CLSTN2: variants seen among roughly 807,000 people sequenced by gnomAD.
The protein encoded by CLSTN2 is calsyntenin 2.
A neutral mutation model predicts 101.2 loss-of-function variants in CLSTN2; 48 were observed. That is an observed-to-expected ratio of 0.47 (90% CI 0.38 to 0.60). CLSTN2 has a LOEUF of 0.60. Among genes scored for constraint, CLSTN2 ranks in the 20% least tolerant of loss-of-function variants. The probability of loss-of-function intolerance (pLI) is 0.00; values close to 1 mark genes in which losing one functional copy is unlikely to be tolerated. For missense variants in CLSTN2, 1,160 were observed against 1,238.2 expected, an observed-to-expected ratio of 0.94 and a Z score of 0.95; for synonymous variants, 481 against 463.6, an observed-to-expected ratio of 1.04 and a Z score of -0.48.
At chr3:140,542,991 G>T (rs1935515376) in intron 9 of CLSTN2, among the ~76,000 whole-genome samples, 1 of 152,056 alleles carries the variant, frequency 6.6e-6, no homozygotes, top group African/African-American at 2.4e-5. Flanking sequence ...GTGGCTTTTG[G>T]TCACCTACTT....
At chr3:140,255,478 G>A (rs903802864) in intron 2 of CLSTN2, among the ~76,000 whole-genome samples, 1 of 152,012 alleles carries the variant, frequency 6.6e-6, no homozygotes, top group Admixed American at 6.6e-5. Flanking sequence ...CATAAAAAAC[G>A]ACAAATCATG....
chr3:140,543,737 G>A (rs1935532001), intron 9 of CLSTN2, among the ~76,000 whole-genome samples: 1 of 152,180 alleles, frequency 6.6e-6, no homozygotes, highest in South Asian at 2.1e-4. Context: ...AAGAGAGCAA[G>A]AATTTGTTCC....
At chr3:139,969,226 C>A (rs1042404847) in intron 1 of CLSTN2, among the ~76,000 whole-genome samples, 1 of 152,140 alleles carries the variant, frequency 6.6e-6, no homozygotes, top group Non-Finnish European at 1.5e-5. Context: ...GGGCTGCTAC[C>A]AAAAGTAAAG....
chr3:140,318,091 A>G (rs1258678779), intron 2 of CLSTN2, among the ~76,000 whole-genome samples: 1 of 152,222 alleles, frequency 6.6e-6, no homozygotes, highest in Admixed American at 6.5e-5. Context: ...CATGTCCAAA[A>G]TAGCTCACAT....
Position 140,509,939 on chromosome 3 carries a change from C to T in CLSTN2, c.1345-22385C>T, listed in dbSNP as rs545032209. 1.1e-4 allele frequency among the ~76,000 whole-genome samples: 17 copies of T among 152,284 alleles called. No individual in the cohort carries two copies. The South Asian group carries it at 3.1e-3, about 28-fold the overall frequency. On this transcript the variant is annotated intron_variant, in intron 8 of 16. Coordinates refer to ENST00000458420, the MANE Select transcript of CLSTN2 (RefSeq NM_022131.3). ...TGGGGTTGTTTTCCAATAAGCCCAT[C>T]GTAAGTTGAAAATACCATAAATTAA...
intron 1 of CLSTN2, among the ~76,000 whole-genome samples, chr3:140,049,014 C>G (rs2007937175): frequency 6.6e-6 from 1 of 152,214 alleles, no homozygotes; most frequent in Admixed American, 6.5e-5. Context: ...CACACCCCCT[C>G]CCCCCATCTC....
chr3:140,228,636 A>G (rs1352161355), intron 2 of CLSTN2, among the ~76,000 whole-genome samples: 1 of 152,216 alleles, frequency 6.6e-6, no homozygotes, highest in Non-Finnish European at 1.5e-5. Flanking sequence ...GATATACCAG[A>G]GACTGGGCAA....
chr3:140,041,881 G>A (rs946972911), intron 1 of CLSTN2, among the ~76,000 whole-genome samples: 11 of 152,166 alleles, frequency 7.2e-5, no homozygotes, highest in African/African-American at 2.7e-4. Context: ...ACAAACCTGT[G>A]TGAGGAGGGA....
chr3:140,288,134 G>A (rs1466339648), intron 2 of CLSTN2, among the ~76,000 whole-genome samples: 6 of 151,076 alleles, frequency 4.0e-5, no homozygotes, highest in Non-Finnish European at 8.9e-5. Context: ...AACCGGCGGG[G>A]GGGGTCAGAA....
chr3:140,427,896 C>G (rs541138103), intron 5 of CLSTN2, among the ~76,000 whole-genome samples: 3 of 152,064 alleles, frequency 2.0e-5, no homozygotes, highest in Non-Finnish European at 4.4e-5. Flanking sequence ...TTAGTGTTTC[C>G]CTCTTGTCAA....
At chr3:139,952,778 T>C (rs1441663884) in intron 1 of CLSTN2, among the ~76,000 whole-genome samples, 1 of 152,162 alleles carries the variant, frequency 6.6e-6, no homozygotes, top group Non-Finnish European at 1.5e-5. Context: ...ATACCCTAAA[T>C]GGATTATATT....
intron 1 of CLSTN2, among the ~76,000 whole-genome samples, chr3:139,986,302 G>A (rs1403684097): frequency 6.6e-6 from 1 of 152,062 alleles, no homozygotes; most frequent in Admixed American, 6.6e-5. Flanking sequence ...AATAATAACA[G>A]TTACCCTTTA....
intron 8 of CLSTN2, among the ~76,000 whole-genome samples, chr3:140,490,614 A>AT (rs1934336296): frequency 6.6e-6 from 1 of 151,748 alleles, no homozygotes; most frequent in Admixed American, 6.6e-5. Context: ...AAAAAAAAAA[A>AT]AACATGGCAC....
chr3:139,970,325 G>A (rs1163346426), intron 1 of CLSTN2, among the ~76,000 whole-genome samples: 1 of 152,024 alleles, frequency 6.6e-6, no homozygotes, highest in Non-Finnish European at 1.5e-5. Context: ...ATCTGGGGGG[G>A]GATGCTCTCC....
intron 8 of CLSTN2, among the ~76,000 whole-genome samples, chr3:140,498,195 G>A (rs7626363): frequency 0.051 from 7,742 of 152,266 alleles, 646 homozygotes; most frequent in African/African-American, 0.18. Context: ...TAACTATTGT[G>A]TCTTGTGTGA....
Position 140,207,224 on chromosome 3 carries a change from G to A in CLSTN2, c.232+31151G>A, listed in dbSNP as rs1376146533. On this transcript the variant is annotated intron_variant, in intron 2 of 16. Transcript: ENST00000458420. ...GCTTTGAGAGTAGGCCCATGAAGTC[G>A]TTCTGAGAATGTTTGTATGCTACAG... 7.9e-5 allele frequency among the ~76,000 whole-genome samples: 12 copies of A among 152,264 alleles called. No individual in the cohort carries two copies. In the East Asian group the frequency reaches 1.7e-3, roughly 22 times the overall value.
At chr3:140,261,504 A>G (rs1044873212) in intron 2 of CLSTN2, among the ~76,000 whole-genome samples, 33 of 151,938 alleles carry the variant, frequency 2.2e-4, no homozygotes, top group Admixed American at 1.1e-3. Context: ...TGTATTCCCT[A>G]CCCAAGTCTT....
intron 1 of CLSTN2, among the ~76,000 whole-genome samples, chr3:140,110,638 C>G (rs1036420163): frequency 2.0e-5 from 3 of 152,072 alleles, no homozygotes; most frequent in African/African-American, 4.8e-5. Context: ...TGGGATCATT[C>G]CTCATTATTT....
At position 140,403,557 on chromosome 3, in the gene CLSTN2, GT is replaced by G. The variant is rs2088267723; in HGVS notation, c.233-71del. On this transcript the variant is annotated intron_variant, in intron 2 of 16. Transcript: ENST00000458420. ...TGGAGGCTTTGAGTTTGTGAATCTG[GT>G]CCAATGGAAGCACTGTCTTCAGTCT... The G allele has an allele frequency of 3.1e-6, 4 of 1,291,640 alleles. No individual in the cohort carries two copies. In the Admixed American group the frequency reaches 6.0e-5, roughly 19 times the overall value. 80.0% of individuals were successfully genotyped at this position (1,291,640 alleles called of 1,614,324 possible). A position where few individuals can be genotyped will look rare whatever the true frequency, so the allele number is the denominator to read the frequency against.
Sources: allele counts gnomAD v4.1 joint callset (sites outside exome capture counted in the v4.1 genomes callset), GRCh38; gene constraint gnomAD v4.1.1; transcripts MANE v1.5; gene names NCBI Gene and HGNC (gene_info 2026-07-23, HGNC 2026-07-21).